DGKK: variants seen among roughly 807,000 people sequenced by gnomAD.
The protein encoded by DGKK is diacylglycerol kinase kappa, also known as 142 kDa diacylglycerol kinase.
In DGKK, 35 loss-of-function variants were observed where a neutral mutation model predicts 92.2. The ratio of observed to expected loss-of-function variants is 0.38; its 90% CI spans 0.29 to 0.50. The LOEUF (loss-of-function observed/expected upper bound fraction) is 0.50. Among genes scored for constraint, DGKK ranks in the 20% least tolerant of loss-of-function variants. The pLI, the probability that DGKK is intolerant of heterozygous loss-of-function variation, is 0.92. For missense variants in DGKK, 910 were observed against 992.2 expected (o/e 0.92, Z 1.11); for synonymous variants, 368 against 360.6 (o/e 1.02, Z -0.23).
chrX:50,375,854 T>C lies in DGKK; in HGVS notation c.3414+170A>G, dbSNP rs782295625. Among the ~76,000 whole-genome samples the C allele has an allele frequency of 7.9e-4, 88 of 111,798 alleles. 1 individual carries two copies. Among genetic ancestry groups the C allele is most frequent in the Admixed American group, 7.8e-3 (82 of 10,511 alleles). On this transcript the variant is annotated intron_variant, in intron 24 of 27. Transcript: ENST00000611977. Reference sequence around the variant, plus strand: ...CTGTGATTTTCCCCCAGCAACCACCTTGGACCTGTAACAAGTCAAGGAATG... The same window carrying C: ...CTGTGATTTTCCCCCAGCAACCACCCTGGACCTGTAACAAGTCAAGGAATG...
At chrX:50,376,958 A>G (rs1399177916) in intron 22 of DGKK, 40 bp from the exon 23 acceptor site, 30 of 1,137,452 alleles carry the variant, frequency 2.6e-5, no homozygotes, top group Non-Finnish European at 3.3e-5. Context: ...TGATTGCTGT[A>G]GCTACTAGTG....
intron 1 of DGKK, among the ~76,000 whole-genome samples, chrX:50,433,141 G>T (rs192879148): frequency 8.9e-6 from 1 of 112,132 alleles, no homozygotes; most frequent in Admixed American, 9.4e-5. Context: ...GCGACAAGGG[G>T]CCTACTGTTA....
At position 50,391,050 on chromosome X, in the gene DGKK, C is replaced by A. The variant is rs1430437658; in HGVS notation, c.1844+387G>T. Among the ~76,000 whole-genome samples the A allele has an allele frequency of 2.7e-5, 3 of 111,500 alleles. No individual in the cohort carries two copies. The Admixed American group carries it at 2.8e-4, about 11-fold the overall frequency. On this transcript the variant is annotated intron_variant, in intron 11 of 27. Coordinates refer to ENST00000611977, the MANE Select transcript of DGKK (RefSeq NM_001013742.4). ...GAAGAGGGTTCACTGAACCCTTGAA[C>A]GTTATCCATGGGGCCCCTGCTCTAG...
chrX:50,467,720 G>T (rs1557234094), intron 1 of DGKK, among the ~76,000 whole-genome samples: 2 of 112,720 alleles, frequency 1.8e-5, no homozygotes, highest in Non-Finnish European at 3.8e-5. Context: ...CCAGCTGGTT[G>T]CAGGTGCCAT....
At chrX:50,437,267 T>A (rs1312056010) in intron 1 of DGKK, among the ~76,000 whole-genome samples, 1 of 111,297 alleles carries the variant, frequency 9.0e-6, no homozygotes, top group Non-Finnish European at 1.9e-5. Context: ...TTTATTTCCC[T>A]GTTGAAACAC....
Position 50,470,650 on chromosome X carries a change from C to T in DGKK, c.29G>A (p.Gly10Asp), listed in dbSNP as rs1557234552. Residue 10 changes from glycine to aspartate, a missense_variant, in exon 1 of 28, where the codon GGC (glycine) becomes GAC (aspartate). Coordinates refer to ENST00000611977, the MANE Select transcript of DGKK (RefSeq NM_001013742.4). MDRGAAAAQ[G>D]TAPPQDGEQP... ...CTCTCCATCCTGAGGCGGGGCAGTG[C>T]CCTGGGCTGCGGCAGCTCCGCGGTC... The T allele has an allele frequency of 2.7e-6, 3 of 1,124,382 alleles. No homozygotes were observed. The highest frequency in any genetic ancestry group is 3.2e-5 in the East Asian group (1 of 30,799). The allele number at this position is 1,124,382 out of a possible 1,213,427, so 92.7% of individuals were successfully genotyped here. A position where few individuals can be genotyped will look rare whatever the true frequency, so the allele number is the denominator to read the frequency against.
At chrX:50,437,073 G>A (rs1557230847) in intron 1 of DGKK, among the ~76,000 whole-genome samples, 1 of 111,073 alleles carries the variant, frequency 9.0e-6, no homozygotes, top group Non-Finnish European at 1.9e-5. Flanking sequence ...ATAGCTCCTA[G>A]TAATAAAAAA....
chrX:50,443,704 T>TGTG (rs782008638), intron 1 of DGKK, among the ~76,000 whole-genome samples: 1 of 99,560 alleles, frequency 1.0e-5, no homozygotes, highest in African/African-American at 3.7e-5. Flanking sequence ...TGCACTCATT[T>TGTG]TGTGTGTGTG....
chrX:50,384,849 A>G (rs1286157164), intron 15 of DGKK, 25 bp from the exon 16 acceptor site: 1 of 1,117,317 alleles, frequency 9.0e-7, no homozygotes, highest in Non-Finnish European at 1.2e-6. Flanking sequence ...GGGAGGAAGG[A>G]AAGCAAAAAA....
chrX:50,455,556 C>T (rs782279348), intron 1 of DGKK, among the ~76,000 whole-genome samples: 1 of 111,474 alleles, frequency 9.0e-6, no homozygotes, highest in South Asian at 3.8e-4. Flanking sequence ...TTTCCCTAAG[C>T]GCAATATATT....
At chrX:50,420,694 C>T (rs1289877456) in intron 3 of DGKK, among the ~76,000 whole-genome samples, 187 bp from the exon 4 acceptor site, 3 of 111,966 alleles carry the variant, frequency 2.7e-5, no homozygotes, top group African/African-American at 9.7e-5. Context: ...AATAATAATG[C>T]TAATAGCAAT....
chrX:50,392,766 T>G (rs1924733255), intron 9 of DGKK, among the ~76,000 whole-genome samples: 1 of 112,767 alleles, frequency 8.9e-6, no homozygotes, highest in South Asian at 3.7e-4. Context: ...AGCAGCCAGA[T>G]GGTCCCAAAA....
intron 8 of DGKK, among the ~76,000 whole-genome samples, chrX:50,394,542 C>T (rs1272631365): frequency 2.5e-4 from 28 of 111,797 alleles, no homozygotes; most frequent in Non-Finnish European, 2.1e-4. Context: ...ATACATTATC[C>T]AAAAGTAGTA....
At chrX:50,408,674 C>T (rs782798432) in intron 4 of DGKK, among the ~76,000 whole-genome samples, 9 of 111,753 alleles carry the variant, frequency 8.1e-5, no homozygotes, top group South Asian at 3.8e-4. Flanking sequence ...TGAGCCACCG[C>T]GCCCGGCCAT....
At chrX:50,405,939 CT>C (rs1352407776) in intron 4 of DGKK, among the ~76,000 whole-genome samples, 1 of 111,380 alleles carries the variant, frequency 9.0e-6, no homozygotes, top group Admixed American at 9.5e-5. Flanking sequence ...CTACAAGCAT[CT>C]TTTTTTTCCC....
At chrX:50,406,120 G>A (rs1304479400) in intron 4 of DGKK, among the ~76,000 whole-genome samples, 2 of 112,226 alleles carry the variant, frequency 1.8e-5, no homozygotes, top group Non-Finnish European at 3.8e-5. Context: ...AGAGTGACAA[G>A]TGAAGCTCTT....
intron 1 of DGKK, among the ~76,000 whole-genome samples, chrX:50,443,112 G>T (rs1288040319): frequency 9.0e-6 from 1 of 111,599 alleles, no homozygotes; most frequent in Non-Finnish European, 1.9e-5. Context: ...GTCATATTCT[G>T]TTGGTTAGAA....
chrX:50,437,211 T>C (rs1201995492), intron 1 of DGKK, among the ~76,000 whole-genome samples: 1 of 111,632 alleles, frequency 9.0e-6, no homozygotes, highest in East Asian at 2.8e-4. Flanking sequence ...TTCAGATGTT[T>C]TACCCTAGAA....
chrX:50,369,908 A>G (rs1342430430), intron 27 of DGKK, among the ~76,000 whole-genome samples: 1 of 110,825 alleles, frequency 9.0e-6, no homozygotes, highest in African/African-American at 3.3e-5. Context: ...CAGGTTGTCT[A>G]GGACCAAAAT....
Sources: allele counts gnomAD v4.1 joint callset (sites outside exome capture counted in the v4.1 genomes callset), GRCh38; gene constraint gnomAD v4.1.1; transcripts MANE v1.5; gene names NCBI Gene and HGNC (gene_info 2026-07-23, HGNC 2026-07-21).